KCNH7: variants seen among roughly 807,000 people sequenced by gnomAD.
KCNH7 encodes potassium voltage-gated channel subfamily H member 7.
In KCNH7, 49 loss-of-function variants were observed where a neutral mutation model predicts 120.8. That is an observed-to-expected ratio of 0.41 (90% CI 0.32 to 0.51). KCNH7 has a LOEUF of 0.51. KCNH7 is among the 20% of genes least tolerant of loss of function. KCNH7 has a pLI of 0.38. For synonymous variants in KCNH7, 547 were observed against 516.1 expected (o/e 1.06, Z -0.81); for missense variants, 1,097 against 1,446.6 (o/e 0.76, Z 3.92).
intron 2 of KCNH7, among the ~76,000 whole-genome samples, chr2:162,607,220 CAAAAAA>C (rs34786286): frequency 8.9e-6 from 1 of 111,950 alleles, no homozygotes; most frequent in African/African-American, 3.0e-5. Flanking sequence ...ACTAAAAATA[CAAAAAA>C]AAAAAAAAAA....
At position 162,442,713 on chromosome 2, in the gene KCNH7, C is replaced by A. The variant is rs114919195; in HGVS notation, c.1554+3305G>T. ...TCTGCAAAAAAATATGAAAATTAGC[C>A]GGGTATGGTGGTGTCTGCCTGTAGT... On this transcript the variant is annotated intron_variant, in intron 7 of 15. Transcript: ENST00000332142. Among the ~76,000 whole-genome samples, 855 of 152,008 alleles carry A rather than the reference C, an allele frequency of 5.6e-3. 7 individuals are homozygous for A. The highest frequency in any genetic ancestry group is 0.018 in the African/African-American group (728 of 41,464).
rs1167241807 is a variant in KCNH7 at position 162,541,331 on chromosome 2, A to G, written c.308-4251T>C. Reference sequence around the variant, plus strand: ...GACCTGAGTCTGGAGGCACCATAGAATCAAAGAAGGGAAGATAAAGAACTA... The same window carrying G: ...GACCTGAGTCTGGAGGCACCATAGAGTCAAAGAAGGGAAGATAAAGAACTA... On this transcript the variant is annotated intron_variant, in intron 2 of 15. Coordinates refer to ENST00000332142, the MANE Select transcript of KCNH7 (RefSeq NM_033272.4). 2.0e-5 allele frequency among the ~76,000 whole-genome samples: 3 copies of G among 152,190 alleles called. No homozygotes were observed. In the East Asian group the frequency reaches 5.8e-4, roughly 30 times the overall value.
intron 2 of KCNH7, among the ~76,000 whole-genome samples, chr2:162,710,141 T>C (rs182630466): frequency 1.1e-4 from 16 of 152,252 alleles, no homozygotes; most frequent in Non-Finnish European, 2.1e-4. Context: ...CTCCATATCG[T>C]ATGAAATAAA....
At chr2:162,481,188 G>A (rs1689919285) in intron 6 of KCNH7, among the ~76,000 whole-genome samples, 1 of 152,084 alleles carries the variant, frequency 6.6e-6, no homozygotes, top group Non-Finnish European at 1.5e-5. Context: ...AGATGGCAGG[G>A]ATGTGTCACC....
At chr2:162,438,811 C>A (rs185290756) in intron 7 of KCNH7, among the ~76,000 whole-genome samples, 1 of 152,272 alleles carries the variant, frequency 6.6e-6, no homozygotes, top group Non-Finnish European at 1.5e-5. Flanking sequence ...ATTGTAATAA[C>A]TCTTTCCTGC....
intron 2 of KCNH7, among the ~76,000 whole-genome samples, chr2:162,613,033 A>C (rs1379146331): frequency 6.6e-6 from 1 of 152,010 alleles, no homozygotes; most frequent in Non-Finnish European, 1.5e-5. Flanking sequence ...TCTGGTAAAA[A>C]ATATTCTATA....
At chr2:162,806,404 C>CT (rs1229090325) in intron 2 of KCNH7, among the ~76,000 whole-genome samples, 12 of 152,064 alleles carry the variant, frequency 7.9e-5, no homozygotes, top group African/African-American at 2.9e-4. Flanking sequence ...TTACTATGTG[C>CT]TCTGTTCTGT....
Position 162,694,241 on chromosome 2 carries a change from T to C in KCNH7, c.307+142296A>G, listed in dbSNP as rs140967922. Among the ~76,000 whole-genome samples the C allele has an allele frequency of 9.1e-4, 139 of 152,276 alleles. No individual in the cohort carries two copies. In the Middle Eastern group the frequency reaches 0.017, roughly 19 times the overall value. On this transcript the variant is annotated intron_variant, in intron 2 of 15. Transcript: ENST00000332142. ...GGAAATAATGAACATCCTTCTGTAG[T>C]TTGGAGGTTGGGCTTTTACAACTAC...
chr2:162,509,106 T>C (rs559053576), intron 5 of KCNH7, among the ~76,000 whole-genome samples: 1 of 151,578 alleles, frequency 6.6e-6, no homozygotes, highest in South Asian at 2.1e-4. Context: ...AAACATAAAG[T>C]AGGCCAATTT....
At chr2:162,633,019 A>G (rs947417560) in intron 2 of KCNH7, among the ~76,000 whole-genome samples, 15 of 152,002 alleles carry the variant, frequency 9.9e-5, no homozygotes, top group African/African-American at 3.6e-4. Flanking sequence ...AAGAGAAATA[A>G]AGGTCACAGA....
chr2:162,542,386 G>T (rs1159613285), intron 2 of KCNH7, among the ~76,000 whole-genome samples: 1 of 144,118 alleles, frequency 6.9e-6, no homozygotes, highest in Non-Finnish European at 1.5e-5. Context: ...ATCTCCTAAT[G>T]CTATCCCTCC....
At chr2:162,806,117 A>G (rs1237635905) in intron 2 of KCNH7, among the ~76,000 whole-genome samples, 2 of 152,128 alleles carry the variant, frequency 1.3e-5, no homozygotes, top group African/African-American at 2.4e-5. Flanking sequence ...GGGGTAAAAA[A>G]CTATATATTG....
At chr2:162,666,030 T>C (rs575644252) in intron 2 of KCNH7, among the ~76,000 whole-genome samples, 1 of 152,276 alleles carries the variant, frequency 6.6e-6, no homozygotes, top group Non-Finnish European at 1.5e-5. Flanking sequence ...ATTCTTTATT[T>C]TAGTGTAGAT....
At position 162,403,043 on chromosome 2, in the gene KCNH7, A is replaced by T. The variant is rs562484240; in HGVS notation, c.2155-2602T>A. On this transcript the variant is annotated intron_variant, in intron 9 of 15. Coordinates refer to ENST00000332142, the MANE Select transcript of KCNH7 (RefSeq NM_033272.4). Reference sequence around the variant, plus strand: ...TTTTTGGGAAAGCTAAATTAATAACATGTATTTCACAGAGTTGTGGCCACA... The same window carrying T: ...TTTTTGGGAAAGCTAAATTAATAACTTGTATTTCACAGAGTTGTGGCCACA... 5.3e-5 allele frequency among the ~76,000 whole-genome samples: 8 copies of T among 152,064 alleles called. No homozygotes were observed. In the South Asian group the frequency reaches 6.2e-4, roughly 12 times the overall value.
intron 2 of KCNH7, among the ~76,000 whole-genome samples, chr2:162,579,789 T>C (rs536682696): frequency 2.6e-5 from 4 of 152,052 alleles, no homozygotes; most frequent in Admixed American, 6.6e-5. Flanking sequence ...ACAGAGTAGA[T>C]AGAGTAATCA....
intron 2 of KCNH7, among the ~76,000 whole-genome samples, chr2:162,741,278 ATT>A: frequency 6.7e-6 from 1 of 149,694 alleles, no homozygotes; most frequent in East Asian, 1.9e-4. Flanking sequence ...AACATATGTT[ATT>A]AGTTATACAT....
At chr2:162,709,279 T>A (rs1025451954) in intron 2 of KCNH7, among the ~76,000 whole-genome samples, 1 of 152,086 alleles carries the variant, frequency 6.6e-6, no homozygotes, top group Non-Finnish European at 1.5e-5. Flanking sequence ...AGAGTAGGCA[T>A]GATACAAGTA....
At chr2:162,373,030 C>T (rs910771553) in intron 15 of KCNH7, among the ~76,000 whole-genome samples, 1 of 152,032 alleles carries the variant, frequency 6.6e-6, no homozygotes, top group African/African-American at 2.4e-5. Flanking sequence ...ATTTCTCCTC[C>T]CCTTCCTTCC....
chr2:162,807,280 A>C (rs146689207), intron 2 of KCNH7, among the ~76,000 whole-genome samples: 5,762 of 144,460 alleles, frequency 0.04, 178 homozygotes, highest in South Asian at 0.068. Flanking sequence ...AAAAAAAAAA[A>C]AAACAAATTA....
Sources: allele counts gnomAD v4.1 joint callset (sites outside exome capture counted in the v4.1 genomes callset), GRCh38; gene constraint gnomAD v4.1.1; transcripts MANE v1.5; gene names NCBI Gene and HGNC (gene_info 2026-07-23, HGNC 2026-07-21).